The following PRKRA variants were observed in gnomAD, a reference collection of about 807,000 sequenced individuals.
The protein encoded by PRKRA is interferon-inducible double-stranded RNA-dependent protein kinase activator A.
Under a neutral mutation model 32.4 loss-of-function variants are expected in PRKRA, and 22 were observed. That is an observed-to-expected ratio of 0.68 (90% CI 0.49 to 0.97). The LOEUF (loss-of-function observed/expected upper bound fraction) is 0.97, where lower values mean the gene tolerates loss of function less well. PRKRA is among the 50% of genes least tolerant of loss of function. The probability of loss-of-function intolerance (pLI) is 0.00; values close to 1 mark genes in which losing one functional copy is unlikely to be tolerated. For synonymous variants in PRKRA, 139 were observed against 129.8 expected (o/e 1.07, Z -0.48); for missense variants, 319 against 375.6 (o/e 0.85, Z 1.25).
chr2:178,437,842 TGTC>T (rs1349318302), intron 6 of PRKRA, among the ~76,000 whole-genome samples: 3 of 152,208 alleles, frequency 2.0e-5, no homozygotes, highest in Non-Finnish European at 1.5e-5. Flanking sequence ...TCTACTGGGT[TGTC>T]TTTTTAACTG....
At chr2:178,442,508 G>C (rs1465151588) in intron 5 of PRKRA, among the ~76,000 whole-genome samples, 1 of 152,140 alleles carries the variant, frequency 6.6e-6, no homozygotes, top group Non-Finnish European at 1.5e-5. Context: ...TTGTTTTATA[G>C]ATTAAAAAAC....
chr2:178,445,170 G>A (rs1486082131), intron 3 of PRKRA, among the ~76,000 whole-genome samples: 3 of 152,160 alleles, frequency 2.0e-5, no homozygotes, highest in African/African-American at 4.8e-5. Flanking sequence ...GATGAATTTG[G>A]TTTTAGCAAG....
rs578212103 is a variant in PRKRA, at chr2:178,442,013, G to C, written c.515-309C>G. Among the ~76,000 whole-genome samples, 3 of 151,224 alleles carry C rather than the reference G, an allele frequency of 2.0e-5. No individual in the cohort carries two copies. In the East Asian group the frequency reaches 5.9e-4, roughly 30 times the overall value. ...CAATTCTCCTGCTTCAGCCTCCCAA[G>C]TAGATGGGATTACAGGTGCCCACCA... On this transcript the variant is annotated intron_variant, in intron 5 of 7. Coordinates refer to ENST00000325748, the MANE Select transcript of PRKRA (RefSeq NM_003690.5).
At chr2:178,446,852 G>A (rs1385796253) in intron 3 of PRKRA, among the ~76,000 whole-genome samples, 2 of 151,806 alleles carry the variant, frequency 1.3e-5, no homozygotes, top group African/African-American at 4.8e-5. Context: ...AATTAGCTGG[G>A]CGTAGTGGCG....
intron 6 of PRKRA, among the ~76,000 whole-genome samples, chr2:178,438,289 GTAA>G (rs1696982482): frequency 6.6e-6 from 1 of 152,128 alleles, no homozygotes; most frequent in Admixed American, 6.5e-5. Flanking sequence ...TCACTTTGGT[GTAA>G]GGAATAAGGA....
chr2:178,432,459 A>G (rs1486908708), intron 7 of PRKRA, among the ~76,000 whole-genome samples: 1 of 152,198 alleles, frequency 6.6e-6, no homozygotes, highest in Non-Finnish European at 1.5e-5. Flanking sequence ...ACACTTCATA[A>G]TGATCTGACA....
chr2:178,445,359 T>C (rs1283678903), intron 3 of PRKRA: 2 of 98,632 alleles, frequency 2.0e-5, no homozygotes, highest in Non-Finnish European at 4.3e-5. Context: ...TTCCTCAAGG[T>C]TTTTTTTTTC....
chr2:178,450,664 G>C (rs1575105335), intron 1 of PRKRA: 7 of 1,433,544 alleles, frequency 4.9e-6, no homozygotes, highest in Non-Finnish European at 6.4e-6. Flanking sequence ...ATTCTCAACA[G>C]AACAGGGCTG....
chr2:178,440,705 T>G (rs77053680), intron 6 of PRKRA, among the ~76,000 whole-genome samples: 1 of 152,242 alleles, frequency 6.6e-6, no homozygotes, highest in Admixed American at 6.5e-5. Context: ...CAAGCTGTCA[T>G]GTCTCACGTG....
At chr2:178,436,390 A>G in intron 6 of PRKRA, 71 bp from the exon 7 acceptor site, 10 of 1,019,148 alleles carry the variant, frequency 9.8e-6, no homozygotes, top group African/African-American at 1.9e-5. Context: ...AGTATCATTA[A>G]AAGTACTTAT....
chr2:178,441,720 G>T lies in PRKRA; in HGVS notation c.515-16C>A, dbSNP rs772236984. 1 of 745,648 alleles carries T rather than the reference G, an allele frequency of 1.3e-6. No homozygotes were observed. Among genetic ancestry groups the T allele is most frequent in the Non-Finnish European group, 2.0e-6 (1 of 512,356 alleles). The allele number at this position is 745,648 out of a possible 1,614,324, so 46.2% of individuals were successfully genotyped here. ...GCCCCCTTTCCTGAACAAAGAAAAAGAAATGGTAGATTTAGAAAAGAAATT... is the reference window on the plus strand; with the variant it reads ...GCCCCCTTTCCTGAACAAAGAAAAATAAATGGTAGATTTAGAAAAGAAATT... On this transcript the variant is annotated splice_polypyrimidine_tract_variant and intron_variant, in intron 5 of 7. Coordinates refer to ENST00000325748, the MANE Select transcript of PRKRA (RefSeq NM_003690.5).
chr2:178,450,785 G>A (rs1367188300), intron 1 of PRKRA, 181 bp downstream of exon 1: 15 of 1,342,186 alleles, frequency 1.1e-5, no homozygotes, highest in Non-Finnish European at 1.2e-5. Flanking sequence ...GAGAGGGGCG[G>A]GGCCCGGCCG....
intron 5 of PRKRA, among the ~76,000 whole-genome samples, chr2:178,442,005 C>A (rs2154125068): frequency 6.6e-6 from 1 of 151,844 alleles, no homozygotes; most frequent in South Asian, 2.1e-4. Context: ...CCTGCTTCAG[C>A]CTCCCAAGTA....
intron 2 of PRKRA, among the ~76,000 whole-genome samples, chr2:178,449,103 G>A (rs1181127911): frequency 6.6e-6 from 1 of 152,210 alleles, no homozygotes; most frequent in Non-Finnish European, 1.5e-5. Context: ...AGCTTGCACA[G>A]GAAGCCATGG....
rs1696647527 is a variant in PRKRA, at chr2:178,431,494, CAG to C, written c.*601_*602del. On this transcript the variant is annotated 3_prime_UTR_variant, in exon 8 of 8. Transcript: ENST00000325748. Reference sequence around the variant, plus strand: ...AAGTAAATTAGAGATATGTAAATAACAGAATTATCAACATTAAAATCTTATTC... The same window carrying C: ...AAGTAAATTAGAGATATGTAAATAACAATTATCAACATTAAAATCTTATTC... 1 of 154,044 alleles carries C rather than the reference CAG, an allele frequency of 6.5e-6. No homozygotes were observed. Among genetic ancestry groups the C allele is most frequent in the African/African-American group, 2.4e-5 (1 of 41,432 alleles). 9.5% of individuals were successfully genotyped at this position (154,044 alleles called of 1,614,324 possible). A position where few individuals can be genotyped will look rare whatever the true frequency, so the allele number is the denominator to read the frequency against.
chr2:178,437,076 T>C (rs893275918), intron 6 of PRKRA, among the ~76,000 whole-genome samples: 1 of 152,206 alleles, frequency 6.6e-6, no homozygotes, highest in Non-Finnish European at 1.5e-5. Context: ...ACTCTTAATA[T>C]TGTTTTATTA....
chr2:178,449,746 T>C (rs749065593), intron 2 of PRKRA, among the ~76,000 whole-genome samples: 3 of 152,246 alleles, frequency 2.0e-5, no homozygotes, highest in Admixed American at 1.3e-4. Context: ...TATGAGGACC[T>C]TCTCCCCTTC....
chr2:178,432,233 T>C lies in PRKRA; in HGVS notation c.806A>G (p.Gln269Arg), dbSNP rs368201837. Reference sequence around the variant, plus strand: ...GGACAGTTCAGCAAGACATTGATATTGTCCATTGGCGCTCAGTTCATCTGT... The same window carrying C: ...GGACAGTTCAGCAAGACATTGATATCGTCCATTGGCGCTCAGTTCATCTGT... ...LDIDELSANGQYQCLAELSTS... is the reference protein window; with the variant it reads ...LDIDELSANGRYQCLAELSTS... Residue 269 changes from glutamine (Q) to arginine (R), a missense_variant, in exon 8 of 8, where the codon CAA becomes CGA. Transcript: ENST00000325748. 5 of 1,614,248 alleles carry C rather than the reference T, an allele frequency of 3.1e-6. No homozygotes were observed. The East Asian group carries it at 6.7e-5, about 22-fold the overall frequency.
intron 1 of PRKRA, chr2:178,450,704 C>G (rs1322293750): frequency 5.1e-5 from 71 of 1,400,170 alleles, no homozygotes; most frequent in Non-Finnish European, 6.6e-5. Context: ...TCAGGGAAAA[C>G]CTGACGATCC....
Sources: gnomAD v4.1 joint callset for allele counts (sites outside exome capture counted in the v4.1 genomes callset) on GRCh38, gnomAD v4.1.1 for gene constraint, MANE v1.5 for transcripts, NCBI Gene and HGNC (gene_info 2026-07-23, HGNC 2026-07-21) for gene names.